The following DCHS2 variants were observed in gnomAD, a reference collection of about 807,000 sequenced individuals.
DCHS2 encodes dachsous cadherin-related 2, also known as protocadherin-23.
Under a neutral mutation model 182.4 loss-of-function variants are expected in DCHS2, and 142 were observed. The ratio of observed to expected loss-of-function variants is 0.78; its 90% CI spans 0.68 to 0.89. DCHS2 has a LOEUF of 0.89. Ranked by LOEUF, DCHS2 falls within the 40% of genes least tolerant of loss-of-function variation. The pLI, the probability that DCHS2 is intolerant of heterozygous loss-of-function variation, is 0.00. For synonymous variants in DCHS2, 1,740 were observed against 1,663.3 expected (o/e 1.05, Z -1.12); for missense variants, 4,319 against 4,198.6 (o/e 1.03, Z -0.79).
chr4:154,371,107 A>G lies in DCHS2; in HGVS notation c.2245-4666T>C, dbSNP rs905783920. Among the ~76,000 whole-genome samples the G allele has an allele frequency of 3.3e-5, 5 of 152,220 alleles. No individual in the cohort carries two copies. In the East Asian group the frequency reaches 9.7e-4, roughly 29 times the overall value. On this transcript the variant is annotated intron_variant, in intron 2 of 19. Coordinates refer to ENST00000357232, the MANE Select transcript of DCHS2 (RefSeq NM_001358235.2). ...GGTGCTGGGTTGTTCAGCAAATGAT[A>G]GTAAAGTCTCCCAGAATGATGAGGA...
At chr4:154,433,395 C>CTTTTTTTTTTTTTTTTTTTTTTTT (rs61553613) in intron 1 of DCHS2, among the ~76,000 whole-genome samples, 5 of 103,868 alleles carry the variant, frequency 4.8e-5, no homozygotes, top group Non-Finnish European at 7.4e-5. Context: ...TTTTTTTTTC[C>CTTTTTTTTTTTTTTTTTTTTTTTT]TTTTTTTTTT....
chr4:154,489,444 G>A lies in DCHS2; in HGVS notation c.1912C>T (p.Leu638Phe), dbSNP rs528155299. Residue 638 changes from leucine to phenylalanine, a missense_variant, in exon 1 of 20, where the codon CTC (leucine) becomes TTC (phenylalanine). By Grantham distance (22) the Leu-to-Phe change is conservative. Coordinates refer to ENST00000357232, the MANE Select transcript of DCHS2 (RefSeq NM_001358235.2). ...GTGGCAGAGAGTGGGGGCTCTCCGA[G>A]GTCCTGGGCCACCACTTTCAGCTCC... ...AVELKVVAQDLGEPPLSATCL... is the reference protein window; with the variant it reads ...AVELKVVAQDFGEPPLSATCL... The A allele has an allele frequency of 1.3e-6, 2 of 1,551,774 alleles. No homozygotes were observed. Among genetic ancestry groups the A allele is most frequent in the East Asian group, 2.4e-5 (1 of 40,924 alleles).
chr4:154,414,487 C>A lies in DCHS2; in HGVS notation c.2053-37043G>T, dbSNP rs12650074. Reference sequence around the variant, plus strand: ...ACAAAAAATATCTCCATACAGCTTTCTTTTTTTTTTTTTTTTTTTTTTTTG... The same window carrying A: ...ACAAAAAATATCTCCATACAGCTTTATTTTTTTTTTTTTTTTTTTTTTTTG... On this transcript the variant is annotated intron_variant, in intron 1 of 19. Transcript: ENST00000357232. 6.8e-5 allele frequency among the ~76,000 whole-genome samples: 5 copies of A among 73,756 alleles called. No individual in the cohort carries two copies. In the Admixed American group the frequency reaches 7.8e-4, roughly 12 times the overall value. 48.4% of individuals were successfully genotyped at this position (73,756 alleles called of 152,430 possible).
chr4:154,443,675 A>G (rs192497130), intron 1 of DCHS2, among the ~76,000 whole-genome samples: 6 of 152,304 alleles, frequency 3.9e-5, no homozygotes, highest in Non-Finnish European at 8.8e-5. Flanking sequence ...CAATTATTAC[A>G]TATCATAGGC....
Position 154,259,562 on chromosome 4 carries a change from T to C in DCHS2, c.6772A>G (p.Asn2258Asp), listed in dbSNP as rs1732874094. 1 of 1,613,740 alleles carries C rather than the reference T, an allele frequency of 6.2e-7. No homozygotes were observed. Among genetic ancestry groups the C allele is most frequent in the South Asian group, 1.1e-5 (1 of 91,066 alleles). The change falls in exon 15 of 20, where the codon AAT (asparagine) becomes GAT (aspartate). Residue 2258 changes from asparagine (N) to aspartate (D), a missense_variant. By Grantham distance (23) the Asn-to-Asp change is conservative. Coordinates refer to ENST00000357232, the MANE Select transcript of DCHS2 (RefSeq NM_001358235.2). ...TCTGTTACCTGTATGACATGAGCAT[T>C]GTAGAGTTGGCTTTCAGACACTGAT... ...QASVSESQLYNAHVIQVFATD... is the reference protein window; with the variant it reads ...QASVSESQLYDAHVIQVFATD...
chr4:154,337,070 C>T (rs927189420), intron 3 of DCHS2, among the ~76,000 whole-genome samples: 4 of 152,140 alleles, frequency 2.6e-5, no homozygotes, highest in Admixed American at 6.6e-5. Flanking sequence ...ATTTGATGGT[C>T]CATCAAAGCA....
chr4:154,432,469 G>A (rs1486171567), intron 1 of DCHS2, among the ~76,000 whole-genome samples: 1 of 152,144 alleles, frequency 6.6e-6, no homozygotes, highest in Non-Finnish European at 1.5e-5. Context: ...AAACCATGAT[G>A]ACATATAAGT....
chr4:154,312,716 C>G (rs527365662), intron 10 of DCHS2, among the ~76,000 whole-genome samples: 92 of 152,236 alleles, frequency 6.0e-4, no homozygotes, highest in African/African-American at 2.1e-3. Flanking sequence ...ATAGTATTGT[C>G]CACTCGAATG....
intron 1 of DCHS2, among the ~76,000 whole-genome samples, chr4:154,483,988 A>G (rs1382176379): frequency 6.6e-6 from 1 of 152,080 alleles, no homozygotes; most frequent in Non-Finnish European, 1.5e-5. Context: ...TTCAAGATGT[A>G]TTTTCCTATA....
In DCHS2 at chr4:154,465,084, C is replaced by T. The variant is rs562872587; in HGVS notation, c.2052+24220G>A. On this transcript the variant is annotated intron_variant, in intron 1 of 19. Transcript: ENST00000357232. ...TTATTCCAAATTTAGTGGCTTAAAA[C>T]AAGATATATTTATCATCTCACAGTT... 4.3e-4 allele frequency among the ~76,000 whole-genome samples: 66 copies of T among 152,294 alleles called. 1 individual carries two copies. Among genetic ancestry groups the T allele is most frequent in the African/African-American group, 1.6e-3 (66 of 41,568 alleles).
chr4:154,286,063 C>A (rs1561012014), intron 13 of DCHS2, among the ~76,000 whole-genome samples: 1 of 151,912 alleles, frequency 6.6e-6, no homozygotes, highest in Non-Finnish European at 1.5e-5. Flanking sequence ...GAGAAGAGAA[C>A]AAGAGTCTCT....
At chr4:154,456,142 C>T (rs1734756804) in intron 1 of DCHS2, among the ~76,000 whole-genome samples, 1 of 151,830 alleles carries the variant, frequency 6.6e-6, no homozygotes, top group South Asian at 2.1e-4. Context: ...ATCTAGGCTT[C>T]TGTATATATA....
chr4:154,274,727 A>G (rs898117677), intron 13 of DCHS2, among the ~76,000 whole-genome samples: 1 of 152,160 alleles, frequency 6.6e-6, no homozygotes, highest in Non-Finnish European at 1.5e-5. Flanking sequence ...GAGACAGAGG[A>G]GAAAGGACAC....
intron 10 of DCHS2, among the ~76,000 whole-genome samples, chr4:154,313,186 C>G (rs1735732150): frequency 6.6e-6 from 1 of 152,114 alleles, no homozygotes; most frequent in South Asian, 2.1e-4. Context: ...GCACCCTTTC[C>G]TCTTGGGAGT....
chr4:154,384,603 G>A, intron 1 of DCHS2: 1 of 1,423,742 alleles, frequency 7.0e-7, no homozygotes, highest in African/African-American at 1.5e-5. Context: ...TTAAGTTGAG[G>A]ATTTTGAGAG....
chr4:154,462,668 A>G (rs1197124955), intron 1 of DCHS2, among the ~76,000 whole-genome samples: 2 of 152,200 alleles, frequency 1.3e-5, no homozygotes, highest in Non-Finnish European at 1.5e-5. Context: ...CCAATCCAAA[A>G]TGTTGCTTAG....
intron 7 of DCHS2, among the ~76,000 whole-genome samples, chr4:154,326,649 G>A (rs1365840422): frequency 1.3e-5 from 2 of 152,052 alleles, no homozygotes; most frequent in Non-Finnish European, 2.9e-5. Flanking sequence ...TCAGCATCAC[G>A]TATTGATAGT....
intron 13 of DCHS2, among the ~76,000 whole-genome samples, chr4:154,292,690 T>A (rs1734722249): frequency 6.6e-6 from 1 of 152,214 alleles, no homozygotes; most frequent in Non-Finnish European, 1.5e-5. Context: ...TCTCCCATGT[T>A]CATACCTCCT....
intron 1 of DCHS2, among the ~76,000 whole-genome samples, chr4:154,427,837 G>C (rs1037609193): frequency 6.6e-6 from 1 of 152,200 alleles, no homozygotes; most frequent in Admixed American, 6.5e-5. Flanking sequence ...CTCTCTATCT[G>C]TAAAACGGAA....
Sources: allele counts gnomAD v4.1 joint callset (sites outside exome capture counted in the v4.1 genomes callset), GRCh38; gene constraint gnomAD v4.1.1; transcripts MANE v1.5; gene names NCBI Gene and HGNC (gene_info 2026-07-23, HGNC 2026-07-21).